METTL25: variants seen among roughly 807,000 people sequenced by gnomAD.
METTL25 encodes methyltransferase like 25.
METTL25 carries 64 observed loss-of-function variants against 71.6 expected under a neutral mutation model. The ratio of observed to expected loss-of-function variants is 0.89; its 90% CI spans 0.73 to 1.10. The LOEUF is 1.10. Ranked by LOEUF, METTL25 falls within the 50% of genes least tolerant of loss-of-function variation. The pLI is 0.00. For missense variants in METTL25, 807 were observed against 707.0 expected (o/e 1.14, Z -1.60); for synonymous variants, 287 against 250.3 (o/e 1.15, Z -1.38).
At chr12:82,430,317 G>A (rs1040307780) in intron 5 of METTL25, among the ~76,000 whole-genome samples, 2 of 12,338 alleles carry the variant, frequency 1.6e-4, no homozygotes, top group African/African-American at 4.5e-4. Flanking sequence ...TTTTGTTTTT[G>A]TTGTAAAACA....
chr12:82,385,780 G>C (rs1466326086), intron 1 of METTL25, among the ~76,000 whole-genome samples: 1 of 152,124 alleles, frequency 6.6e-6, no homozygotes, highest in Non-Finnish European at 1.5e-5. Context: ...GTTCATTGTA[G>C]TTTGATAGTA....
chr12:82,451,776 G>T (rs1891162304), intron 8 of METTL25, among the ~76,000 whole-genome samples: 2 of 151,990 alleles, frequency 1.3e-5, no homozygotes, highest in Admixed American at 6.6e-5. Flanking sequence ...TAAATATTTT[G>T]TCATAATTTT....
chr12:82,358,874 C>A (rs776185738), intron 1 of METTL25, 50 bp downstream of exon 1: 398 of 1,550,820 alleles, frequency 2.6e-4, no homozygotes, highest in Non-Finnish European at 2.9e-4. Context: ...GAGAAGGTCC[C>A]GGCAGACGAA....
At chr12:82,421,645 C>G (rs1888505245) in intron 5 of METTL25, among the ~76,000 whole-genome samples, 1 of 151,990 alleles carries the variant, frequency 6.6e-6, no homozygotes, top group African/African-American at 2.4e-5. Flanking sequence ...TGATAGACCA[C>G]TAGCAAGACT....
chr12:82,402,001 T>C (rs546979156), intron 4 of METTL25, among the ~76,000 whole-genome samples: 1 of 152,128 alleles, frequency 6.6e-6, no homozygotes, highest in East Asian at 1.9e-4. Flanking sequence ...TTATGAGTCA[T>C]GTCAAAGACA....
chr12:82,453,297 A>C (rs969421825), intron 8 of METTL25, among the ~76,000 whole-genome samples: 1 of 152,138 alleles, frequency 6.6e-6, no homozygotes, highest in Non-Finnish European at 1.5e-5. Flanking sequence ...ATATGTACAC[A>C]CACTTTGGTG....
intron 5 of METTL25, among the ~76,000 whole-genome samples, chr12:82,418,690 A>G (rs959231205): frequency 6.6e-6 from 1 of 152,158 alleles, no homozygotes; most frequent in Non-Finnish European, 1.5e-5. Flanking sequence ...AGTTATGACA[A>G]AAAAACTTGA....
intron 1 of METTL25, among the ~76,000 whole-genome samples, chr12:82,366,899 A>G: frequency 6.6e-6 from 1 of 152,216 alleles, no homozygotes; most frequent in East Asian, 1.9e-4. Flanking sequence ...TTATAACAAG[A>G]TAGTGGCCAG....
At chr12:82,434,853 T>C (rs1382314361) in intron 7 of METTL25, 129 bp downstream of exon 7, 6 of 807,634 alleles carry the variant, frequency 7.4e-6, no homozygotes, top group Non-Finnish European at 1.2e-5. Flanking sequence ...TATTCAAATT[T>C]GTGCATTTTC....
chr12:82,379,536 T>G (rs923303815), intron 1 of METTL25, among the ~76,000 whole-genome samples: 3 of 152,190 alleles, frequency 2.0e-5, no homozygotes, highest in African/African-American at 7.2e-5. Flanking sequence ...TTTTTGTTAT[T>G]TTTTGAAACA....
At position 82,409,433 on chromosome 12, in the gene METTL25, T is replaced by A. The variant is rs1187817476; in HGVS notation, c.1279+6303T>A. The stretch of plus-strand genomic sequence containing the variant: ...TTTCTTCTTCTAGAAGTTTTGGAGA[T>A]AACTTTTTTGGGTAAATACCAGTAT... On this transcript the variant is annotated intron_variant, in intron 5 of 11. Coordinates refer to ENST00000248306, the MANE Select transcript of METTL25 (RefSeq NM_032230.3). Among the ~76,000 whole-genome samples, 4 of 152,154 alleles carry A rather than the reference T, an allele frequency of 2.6e-5. No individual in the cohort carries two copies. The East Asian group carries it at 7.7e-4, about 29-fold the overall frequency.
intron 1 of METTL25, among the ~76,000 whole-genome samples, chr12:82,360,756 C>G (rs1335100472): frequency 6.6e-6 from 1 of 152,030 alleles, no homozygotes; most frequent in Non-Finnish European, 1.5e-5. Flanking sequence ...GGTCTTGTGT[C>G]CGGAATTGTT....
rs1158047192 is a variant in METTL25 at position 82,361,771 on chromosome 12, C to T, written c.259+2947C>T. ...CTCGCGCTGGCCAGCAAGCGTGGCG[C>T]GCAGCCCTGGTTCCCACCCGTGCCT... On this transcript the variant is annotated intron_variant, in intron 1 of 11. Transcript: ENST00000248306. Among the ~76,000 whole-genome samples the T allele has an allele frequency of 3.3e-5, 5 of 152,180 alleles. No homozygotes were observed. The South Asian group carries it at 8.3e-4, about 25-fold the overall frequency.
At position 82,389,866 on chromosome 12, in the gene METTL25, G is replaced by T; in HGVS notation, c.475G>T (p.Val159Phe). The stretch of plus-strand genomic sequence containing the variant: ...TATGAATATGAAGAAATCTCATGAA[G>T]TTCAGGCAATGTCAGAGCTGATCAG... ...EFMNMKKSHEVQAMSELISSI... is the reference protein window; with the variant it reads ...EFMNMKKSHEFQAMSELISSI... Residue 159 changes from valine (V) to phenylalanine (F), a missense_variant, in exon 3 of 12, where the codon GTT (valine) becomes TTT (phenylalanine). Coordinates refer to ENST00000248306, the MANE Select transcript of METTL25 (RefSeq NM_032230.3). 6.2e-7 allele frequency: 1 copy of T among 1,605,326 alleles called. No homozygotes were observed. The highest frequency in any genetic ancestry group is 8.5e-7 in the Non-Finnish European group (1 of 1,174,438).
intron 1 of METTL25, among the ~76,000 whole-genome samples, chr12:82,384,406 C>T (rs967787859): frequency 9.9e-5 from 13 of 130,940 alleles, no homozygotes; most frequent in Admixed American, 8.1e-4. Context: ...TGTCTTCCTC[C>T]CTCCCTCCCC....
chr12:82,435,061 A>C (rs112099913), intron 7 of METTL25, among the ~76,000 whole-genome samples: 22 of 151,640 alleles, frequency 1.5e-4, no homozygotes, highest in African/African-American at 4.6e-4. Context: ...TATTCAGTGC[A>C]TTATTTTAAC....
intron 1 of METTL25, among the ~76,000 whole-genome samples, chr12:82,373,453 G>A (rs1021675771): frequency 1.3e-5 from 2 of 152,102 alleles, no homozygotes; most frequent in African/African-American, 4.8e-5. Context: ...ATAGAGTCCT[G>A]GAGTTTATGC....
intron 9 of METTL25, among the ~76,000 whole-genome samples, chr12:82,463,575 T>C (rs1458157934): frequency 6.6e-6 from 1 of 152,048 alleles, no homozygotes; most frequent in Non-Finnish European, 1.5e-5. Context: ...GATATATTGA[T>C]TTCTTTTCCT....
intron 7 of METTL25, among the ~76,000 whole-genome samples, chr12:82,436,167 T>G (rs1889900944): frequency 6.6e-6 from 1 of 151,430 alleles, no homozygotes; most frequent in Admixed American, 6.6e-5. Context: ...TCTTATTAGT[T>G]GGGTATTATC....
Sources: allele counts gnomAD v4.1 joint callset (sites outside exome capture counted in the v4.1 genomes callset), GRCh38; gene constraint gnomAD v4.1.1; transcripts MANE v1.5; gene names NCBI Gene and HGNC (gene_info 2026-07-23, HGNC 2026-07-21).